SLFN12: variants seen among roughly 807,000 people sequenced by gnomAD.
SLFN12 encodes ribonuclease SLFN12.
Under a neutral mutation model 29.1 loss-of-function variants are expected in SLFN12, and 25 were observed. That is an observed-to-expected ratio of 0.86 (90% CI 0.63 to 1.20). The LOEUF is 1.20. Ranked by LOEUF, SLFN12 falls within the 50% of genes most tolerant of loss-of-function variation. The pLI is 0.00. For synonymous variants in SLFN12, 257 were observed against 238.7 expected (o/e 1.08, Z -0.71); for missense variants, 660 against 666.2 (o/e 0.99, Z 0.10).
At chr17:35,431,728 A>G (rs1567854448) in intron 1 of SLFN12, among the ~76,000 whole-genome samples, 1 of 152,142 alleles carries the variant, frequency 6.6e-6, no homozygotes, top group Non-Finnish European at 1.5e-5. Context: ...TTATAATTTG[A>G]TAAGGCCATG....
chr17:35,430,062 G>A (rs546052352), intron 1 of SLFN12, among the ~76,000 whole-genome samples: 13 of 151,858 alleles, frequency 8.6e-5, no homozygotes, highest in Non-Finnish European at 1.3e-4. Context: ...AAATTTTCTG[G>A]TAATGCTTTA....
intron 2 of SLFN12, among the ~76,000 whole-genome samples, chr17:35,420,991 T>A (rs1911596151): frequency 6.6e-6 from 1 of 151,942 alleles, no homozygotes; most frequent in Non-Finnish European, 1.5e-5. Flanking sequence ...GTGAATTGCC[T>A]GAGGTCAAGA....
Position 35,422,984 on chromosome 17 carries a change from A to G in SLFN12, c.45T>C (p.Val15=). Reference sequence around the variant, plus strand: ...CAAGAGTGACTCTTCCCACATCTAGAACCAACTCGGCATAATTCGTTTCCA... The same window carrying G: ...CAAGAGTGACTCTTCCCACATCTAGGACCAACTCGGCATAATTCGTTTCCA... ...VDLETNYAEL[V]LDVGRVTLGE... is the part of the protein sequence containing the mutation. The change falls in exon 2 of 4, where the codon GTT becomes GTC. Residue 15 remains valine, a synonymous_variant. Transcript: ENST00000304905. 6.2e-7 allele frequency: 1 copy of G among 1,613,436 alleles called. No individual in the cohort carries two copies. Among genetic ancestry groups the G allele is most frequent in the Non-Finnish European group, 8.5e-7 (1 of 1,179,804 alleles).
intron 1 of SLFN12, among the ~76,000 whole-genome samples, chr17:35,431,470 C>T (rs749526821): frequency 4.6e-5 from 7 of 152,088 alleles, no homozygotes; most frequent in Non-Finnish European, 8.8e-5. Context: ...CTACTGCAAC[C>T]GGAAGAGAAA....
At chr17:35,414,387 T>A (rs749696928) in intron 3 of SLFN12, among the ~76,000 whole-genome samples, 4 of 152,014 alleles carry the variant, frequency 2.6e-5, no homozygotes, top group African/African-American at 9.7e-5. Context: ...AAATACTTGA[T>A]AATAAATGTT....
At chr17:35,421,005 C>T (rs1204441548) in intron 2 of SLFN12, among the ~76,000 whole-genome samples, 1 of 151,730 alleles carries the variant, frequency 6.6e-6, no homozygotes, top group East Asian at 1.9e-4. Flanking sequence ...GTCAAGAGTT[C>T]GAGACCAGCC....
chr17:35,422,579 T>C lies in SLFN12; in HGVS notation c.450A>G (p.Lys150=), dbSNP rs143063295. 6.2e-7 allele frequency: 1 copy of C among 1,614,098 alleles called. No individual in the cohort carries two copies. The highest frequency in any genetic ancestry group is 8.5e-7 in the Non-Finnish European group (1 of 1,180,014). The change falls in exon 2 of 4, where the codon AAA becomes AAG. Residue 150 remains lysine, a synonymous_variant. Transcript: ENST00000304905. ...TAALEFLKDM[K]KTRGRLYLRP... is the part of the protein sequence containing the mutation. ...TTAAATACAATCTCCCTCTAGTCTT[T>C]TTCATGTCTTTGAGGAACTCCAGTG...
At chr17:35,416,402 T>A (rs1257240492) in intron 3 of SLFN12, among the ~76,000 whole-genome samples, 1 of 152,112 alleles carries the variant, frequency 6.6e-6, no homozygotes, top group Non-Finnish European at 1.5e-5. Flanking sequence ...GGGTACAGTG[T>A]ACATTGCTCA....
intron 2 of SLFN12, among the ~76,000 whole-genome samples, chr17:35,421,511 A>G (rs1425667033): frequency 6.6e-6 from 1 of 150,546 alleles, no homozygotes; most frequent in Non-Finnish European, 1.5e-5. Context: ...CTAAGGGTAT[A>G]GAAGAAAACA....
Position 35,420,399 on chromosome 17 carries a change from C to G in SLFN12, c.1040-18G>C, listed in dbSNP as rs527818674. The G allele has an allele frequency of 6.4e-7, 1 of 1,552,728 alleles. No homozygotes were observed. The highest frequency in any genetic ancestry group is 1.7e-4 in the Middle Eastern group (1 of 5,960). ...GGAAAATTCTTAAAAACAAAAATAT[C>G]ACATTCTTAATTTCGCAGAAGGGAG... is the stretch of plus-strand genomic sequence containing the variant. On this transcript the variant is annotated intron_variant, in intron 2 of 3. Coordinates refer to ENST00000304905, the MANE Select transcript of SLFN12 (RefSeq NM_018042.5).
chr17:35,429,106 T>C (rs1912170091), intron 1 of SLFN12, among the ~76,000 whole-genome samples: 1 of 152,104 alleles, frequency 6.6e-6, no homozygotes, highest in African/African-American at 2.4e-5. Context: ...TCCCCTTTCC[T>C]CTTAGCCCAC....
chr17:35,430,690 A>T (rs760048514), intron 1 of SLFN12: 4 of 152,084 alleles, frequency 2.6e-5, no homozygotes, highest in Non-Finnish European at 5.9e-5. Context: ...AGTTTGGAGG[A>T]TGCTCCTTGC....
At chr17:35,420,497 AT>A in intron 2 of SLFN12, 116 bp from the exon 3 acceptor site, 1 of 658,962 alleles carries the variant, frequency 1.5e-6, no homozygotes, top group South Asian at 2.4e-5. Context: ...CCAAAAAAAA[AT>A]TAATGTTAGA....
intron 1 of SLFN12, among the ~76,000 whole-genome samples, chr17:35,431,099 T>C (rs1271411655): frequency 6.6e-6 from 1 of 152,164 alleles, no homozygotes; most frequent in East Asian, 1.9e-4. Context: ...AAAACATGCA[T>C]TGAAAGTGAC....
In SLFN12 at chr17:35,423,310, G is replaced by A. The variant is rs567991785; in HGVS notation, c.-40-242C>T. Among the ~76,000 whole-genome samples, 198 of 151,858 alleles carry A rather than the reference G, an allele frequency of 1.3e-3. 1 individual carries two copies. The highest frequency in any genetic ancestry group is 4.1e-3 in the African/African-American group (168 of 41,438). On this transcript the variant is annotated intron_variant, in intron 1 of 3. Transcript: ENST00000304905. ...TTCTAATTATGTAATCTCTTTATCCGCCTTTTTTCTCCTTTCTAGTCCCTA... is the reference window on the plus strand; with the variant it reads ...TTCTAATTATGTAATCTCTTTATCCACCTTTTTTCTCCTTTCTAGTCCCTA...
At chr17:35,426,877 A>G (rs1354432753) in intron 1 of SLFN12, among the ~76,000 whole-genome samples, 1 of 152,056 alleles carries the variant, frequency 6.6e-6, no homozygotes, top group East Asian at 1.9e-4. Flanking sequence ...TGAATGTCTT[A>G]ATTTCCCAAA....
At position 35,422,459 on chromosome 17, in the gene SLFN12, A is replaced by G. The variant is rs143798798; in HGVS notation, c.570T>C (p.Leu190=). 5 of 1,612,564 alleles carry G rather than the reference A, an allele frequency of 3.1e-6. No homozygotes were observed. In the African/African-American group the frequency reaches 6.7e-5, roughly 22 times the overall value. ...TAAAGGTCAATTTTTCTTTCCGATC[A>G]AGTTCTGTTCTATCAAAAAAAACCC... ...LAGVFFDRTE[L]DRKEKLTFTE... The change falls in exon 2 of 4, where the codon CTT becomes CTC. Residue 190 remains leucine (L), a synonymous_variant. Transcript: ENST00000304905.
chr17:35,429,154 A>G (rs1912172409), intron 1 of SLFN12, among the ~76,000 whole-genome samples: 1 of 151,956 alleles, frequency 6.6e-6, no homozygotes, highest in African/African-American at 2.4e-5. Context: ...GCTCTGTGTA[A>G]ACTTTTTTGC....
chr17:35,425,383 CCTAT>C (rs1394990813), intron 1 of SLFN12, among the ~76,000 whole-genome samples: 3 of 152,150 alleles, frequency 2.0e-5, no homozygotes, highest in East Asian at 1.9e-4. Flanking sequence ...ACTTATTCCT[CCTAT>C]CTAACTGACA....
Sources: allele counts gnomAD v4.1 joint callset (sites outside exome capture counted in the v4.1 genomes callset), GRCh38; gene constraint gnomAD v4.1.1; transcripts MANE v1.5; gene names NCBI Gene and HGNC (gene_info 2026-07-23, HGNC 2026-07-21).